The following SEMA6D variants were observed in gnomAD, a reference collection of about 807,000 sequenced individuals.
SEMA6D encodes the protein semaphorin-6D.
SEMA6D carries 35 observed loss-of-function variants against 106.6 expected under a neutral mutation model. That is an observed-to-expected ratio of 0.33 (90% CI 0.25 to 0.44). The LOEUF is 0.44. SEMA6D is among the 20% of genes least tolerant of loss of function. The pLI is 1.00. For missense variants in SEMA6D, 1,185 were observed against 1,345.9 expected, an observed-to-expected ratio of 0.88 and a Z score of 1.87; for synonymous variants, 499 against 487.7, an observed-to-expected ratio of 1.02 and a Z score of -0.31.
intron 4 of SEMA6D, among the ~76,000 whole-genome samples, chr15:47,608,950 T>A (rs574411311): frequency 6.6e-6 from 1 of 152,238 alleles, no homozygotes; most frequent in African/African-American, 2.4e-5. Flanking sequence ...ACTCTGCTTT[T>A]TTCTAGCCTA....
intron 2 of SEMA6D, among the ~76,000 whole-genome samples, chr15:47,424,786 T>G (rs2041278916): frequency 6.6e-6 from 1 of 152,030 alleles, no homozygotes; most frequent in South Asian, 2.1e-4. Flanking sequence ...GACAATAGAT[T>G]AACAGGAGCA....
intron 1 of SEMA6D, among the ~76,000 whole-genome samples, chr15:47,348,722 A>ACCC (rs764805356): frequency 2.7e-5 from 1 of 36,982 alleles, no homozygotes; most frequent in Admixed American, 3.4e-4. Context: ...CACACACCAC[A>ACCC]CACACAGAGA....
At chr15:47,688,918 G>C (rs977571844) in intron 4 of SEMA6D, among the ~76,000 whole-genome samples, 2 of 152,208 alleles carry the variant, frequency 1.3e-5, no homozygotes, top group African/African-American at 4.8e-5. Flanking sequence ...TTTCAGGGAG[G>C]CAAAGGAAAT....
intron 1 of SEMA6D, among the ~76,000 whole-genome samples, chr15:47,348,718 C>CAGAGAGAGAGAGAGAGA (rs1379277513): frequency 1.9e-4 from 9 of 48,066 alleles, no homozygotes; most frequent in African/African-American, 3.6e-4. Context: ...CACACACACA[C>CAGAGAGAGAGAGAGAGA]CACACACACA....
intron 3 of SEMA6D, among the ~76,000 whole-genome samples, chr15:47,593,446 T>C (rs1475816518): frequency 7.1e-6 from 1 of 140,866 alleles, no homozygotes; most frequent in Non-Finnish European, 1.5e-5. Context: ...TTCTATACCG[T>C]CAATCCAAAC....
intron 1 of SEMA6D, among the ~76,000 whole-genome samples, chr15:47,395,046 G>A (rs952005871): frequency 4.6e-5 from 7 of 151,974 alleles, no homozygotes; most frequent in African/African-American, 1.4e-4. Context: ...TTCCTGGACA[G>A]TTTTAAAAAC....
chr15:47,459,156 A>G (rs2042426969), intron 2 of SEMA6D, among the ~76,000 whole-genome samples: 1 of 152,120 alleles, frequency 6.6e-6, no homozygotes, highest in South Asian at 2.1e-4. Flanking sequence ...GACTGAAGCC[A>G]GAGATTCTTC....
intron 3 of SEMA6D, among the ~76,000 whole-genome samples, chr15:47,550,188 G>A (rs2045641412): frequency 6.6e-6 from 1 of 152,108 alleles, no homozygotes; most frequent in Non-Finnish European, 1.5e-5. Context: ...TAGAATTAGG[G>A]TTTCCTTTAC....
At chr15:47,437,139 C>T (rs1390418276) in intron 2 of SEMA6D, among the ~76,000 whole-genome samples, 8 of 152,062 alleles carry the variant, frequency 5.3e-5, no homozygotes, top group Non-Finnish European at 1.2e-4. Flanking sequence ...TTCCATTCCT[C>T]ACCATGAAAA....
intron 4 of SEMA6D, among the ~76,000 whole-genome samples, chr15:47,647,865 C>T (rs146495337): frequency 1.5e-4 from 23 of 152,280 alleles, no homozygotes; most frequent in African/African-American, 5.5e-4. Flanking sequence ...GGAACACTCC[C>T]TAACTGTGAA....
chr15:47,605,441 A>C (rs893929112), intron 4 of SEMA6D: 2 of 152,190 alleles, frequency 1.3e-5, no homozygotes, highest in Non-Finnish European at 2.9e-5. Flanking sequence ...TCGGACACCA[A>C]CTGGGTGTCC....
chr15:47,320,876 C>T (rs1455620885), intron 1 of SEMA6D, among the ~76,000 whole-genome samples: 9 of 151,986 alleles, frequency 5.9e-5, no homozygotes, highest in Non-Finnish European at 1.0e-4. Context: ...TTTATGTATT[C>T]CTTGAGAGTA....
At chr15:47,529,211 C>T (rs2044864662) in intron 3 of SEMA6D, among the ~76,000 whole-genome samples, 1 of 152,142 alleles carries the variant, frequency 6.6e-6, no homozygotes, top group Non-Finnish European at 1.5e-5. Flanking sequence ...AGGTCTTCAT[C>T]TTCCTCGTCT....
At chr15:47,448,928 T>C (rs1991206) in intron 2 of SEMA6D, among the ~76,000 whole-genome samples, 73,162 of 151,946 alleles carry the variant, frequency 0.48, 18,973 homozygotes, top group African/African-American at 0.69. Context: ...TCATCCAGAA[T>C]CTTGTTCTAG....
chr15:47,368,183 G>A (rs1274818892), intron 1 of SEMA6D, among the ~76,000 whole-genome samples: 1 of 152,158 alleles, frequency 6.6e-6, no homozygotes, highest in East Asian at 1.9e-4. Context: ...GCTGTGCCAG[G>A]CTCCCCAGCT....
At chr15:47,387,157 G>A (rs2039868059) in intron 1 of SEMA6D, among the ~76,000 whole-genome samples, 1 of 152,218 alleles carries the variant, frequency 6.6e-6, no homozygotes. Context: ...CCTTTGTGAA[G>A]AGTAACCCAG....
At chr15:47,550,381 G>A (rs1034919730) in intron 3 of SEMA6D, among the ~76,000 whole-genome samples, 18 of 152,180 alleles carry the variant, frequency 1.2e-4, no homozygotes, top group Admixed American at 1.0e-3. Context: ...GCTTTATCTT[G>A]CCCTCATTTA....
intron 1 of SEMA6D, among the ~76,000 whole-genome samples, chr15:47,283,827 C>A (rs1183761616): frequency 1.3e-5 from 2 of 152,240 alleles, no homozygotes; most frequent in African/African-American, 4.8e-5. Context: ...GCAAACCATT[C>A]ACAGACAGCA....
intron 2 of SEMA6D, among the ~76,000 whole-genome samples, chr15:47,415,292 A>T (rs2040929246): frequency 6.6e-6 from 1 of 152,178 alleles, no homozygotes. Flanking sequence ...CACTGATCCA[A>T]AATTTCAGTG....
Sources: gnomAD v4.1 joint callset for allele counts (sites outside exome capture counted in the v4.1 genomes callset) on GRCh38, gnomAD v4.1.1 for gene constraint, MANE v1.5 for transcripts, NCBI Gene and HGNC (gene_info 2026-07-23, HGNC 2026-07-21) for gene names.